The following UPK1B variants were observed in gnomAD, a reference collection of about 807,000 sequenced individuals.
UPK1B encodes uroplakin 1B.
In UPK1B, 28 loss-of-function variants were observed where a neutral mutation model predicts 34.2. The observed-to-expected ratio is 0.82, with a 90% confidence interval of 0.61 to 1.12. The LOEUF is 1.12. Ranked by LOEUF, UPK1B falls within the 50% of genes most tolerant of loss-of-function variation. UPK1B has a pLI of 0.00. For missense variants in UPK1B, 325 were observed against 320.9 expected (o/e 1.01, Z -0.10); for synonymous variants, 81 against 110.4 (o/e 0.73, Z 1.67).
Position 119,194,242 on chromosome 3 carries a change from T to C in UPK1B, c.492T>C (p.Gly164=). Residue 164 remains glycine, a synonymous_variant, in exon 6 of 8, where the codon GGT becomes GGC. Transcript: ENST00000264234. ...MLQDNCCGVN[G]PSDWQKYTSA... ...AGGACAATTGCTGTGGCGTAAATGG[T>C]CCATCAGACTGGCAAAAATACACAT... 1.9e-6 allele frequency: 3 copies of C among 1,614,038 alleles called. No homozygotes were observed. Among genetic ancestry groups the C allele is most frequent in the Non-Finnish European group, 2.5e-6 (3 of 1,179,914 alleles).
At chr3:119,190,177 A>T in intron 3 of UPK1B, 68 bp from the exon 4 acceptor site, 2 of 1,250,862 alleles carry the variant, frequency 1.6e-6, no homozygotes, top group Non-Finnish European at 2.3e-6. Flanking sequence ...GAAAAAACAT[A>T]ATTATTTGGG....
chr3:119,186,299 A>T (rs2078019257), intron 1 of UPK1B, among the ~76,000 whole-genome samples: 1 of 152,230 alleles, frequency 6.6e-6, no homozygotes, highest in African/African-American at 2.4e-5. Context: ...ATGGGAACCA[A>T]CCACTACCTC....
At chr3:119,186,672 G>A in intron 1 of UPK1B, 42 bp from the exon 2 acceptor site, 1 of 1,536,376 alleles carries the variant, frequency 6.5e-7, no homozygotes, top group Non-Finnish European at 9.0e-7. Context: ...GTTTACTCAT[G>A]TTACAGAAAC....
intron 6 of UPK1B, among the ~76,000 whole-genome samples, 167 bp from the exon 7 acceptor site, chr3:119,198,889 GT>G (rs2078078618): frequency 1.3e-5 from 2 of 152,186 alleles, no homozygotes; most frequent in South Asian, 4.1e-4. Flanking sequence ...TGTTCCCTTA[GT>G]AAAGCACTAT....
In UPK1B at chr3:119,180,672, CTTTT is replaced by C. The variant is rs5852189; in HGVS notation, c.-28-6032_-28-6029del. On this transcript the variant is annotated intron_variant, in intron 1 of 7. Coordinates refer to ENST00000264234, the MANE Select transcript of UPK1B (RefSeq NM_006952.4). ...GGAAAGGTCAACAAATTCATAATGT[CTTTT>C]TTTTTTTTTAAATATCCATTAGTGT... 3.9e-3 allele frequency among the ~76,000 whole-genome samples: 583 copies of C among 149,374 alleles called. 5 individuals carry two copies. Among genetic ancestry groups the C allele is most frequent in the African/African-American group, 0.014 (554 of 40,580 alleles).
chr3:119,190,852 GC>G (rs1265123407), intron 4 of UPK1B, 129 bp from the exon 5 acceptor site: 1 of 1,293,830 alleles, frequency 7.7e-7, no homozygotes. Flanking sequence ...TGTACTTGGT[GC>G]CTCTGAGTAC....
chr3:119,203,456 A>ATGC (rs2078103362), intron 7 of UPK1B, among the ~76,000 whole-genome samples: 1 of 152,074 alleles, frequency 6.6e-6, no homozygotes, highest in Admixed American at 6.6e-5. Context: ...CACACTATGG[A>ATGC]ATACTATGCA....
At chr3:119,177,464 C>T (rs902060112) in intron 1 of UPK1B, among the ~76,000 whole-genome samples, 1 of 152,206 alleles carries the variant, frequency 6.6e-6, no homozygotes, top group Admixed American at 6.5e-5. Context: ...AAGTCACTTT[C>T]TCTCTGTGAG....
intron 6 of UPK1B, among the ~76,000 whole-genome samples, chr3:119,196,260 A>G (rs1216896154): frequency 6.6e-6 from 1 of 151,992 alleles, no homozygotes; most frequent in Non-Finnish European, 1.5e-5. Flanking sequence ...TCCCTGACTC[A>G]TAGGTCTTGC....
Position 119,191,068 on chromosome 3 carries a change from T to C in UPK1B, c.432T>C (p.Asn144=). Residue 144 remains asparagine, a synonymous_variant, in exon 5 of 8, where the codon AAT becomes AAC. Transcript: ENST00000264234. ...ACAATGATGACCAGTGGAAAAACAA[T>C]GGAGTCACCAAAACCTGGGACAGGC... ...PPNNDDQWKN[N]GVTKTWDRLM... The C allele has an allele frequency of 2.5e-6, 4 of 1,613,962 alleles. No homozygotes were observed. The highest frequency in any genetic ancestry group is 3.4e-6 in the Non-Finnish European group (4 of 1,179,914).
At chr3:119,174,006 GA>G (rs1244925814) in intron 1 of UPK1B, among the ~76,000 whole-genome samples, 1 of 152,008 alleles carries the variant, frequency 6.6e-6, no homozygotes, top group African/African-American at 2.4e-5. Context: ...CACCTTTGTA[GA>G]CCCCCAATTT....
rs1364276987 is a variant in UPK1B, at chr3:119,187,937, G to A, written c.232G>A (p.Val78Ile). 1.9e-6 allele frequency: 3 copies of A among 1,614,160 alleles called. No homozygotes were observed. The East Asian group carries it at 6.7e-5, about 36-fold the overall frequency. The change falls in exon 3 of 8, where the codon GTA (valine) becomes ATA (isoleucine). Residue 78 changes from valine (V) to isoleucine (I), a missense_variant. By Grantham distance (29) the Val-to-Ile change is conservative (BLOSUM62 3). Coordinates refer to ENST00000264234, the MANE Select transcript of UPK1B (RefSeq NM_006952.4). ...CLFCLSVLGI[V>I]GIMKSSRKIL... ...CTTCTGCCTGTCTGTTCTAGGCATT[G>A]TAGGCATCATGAAGTCCAGCAGGAA...
chr3:119,179,860 G>A (rs1378764330), intron 1 of UPK1B, among the ~76,000 whole-genome samples: 2 of 107,672 alleles, frequency 1.9e-5, no homozygotes, highest in African/African-American at 3.7e-5. Flanking sequence ...GTGCAATGGC[G>A]CAATCTCGGC....
At chr3:119,191,188 AT>A in intron 5 of UPK1B, 84 bp downstream of exon 5, 1 of 1,461,932 alleles carries the variant, frequency 6.8e-7, no homozygotes, top group Non-Finnish European at 9.2e-7. Context: ...GGGACCCTAT[AT>A]TTTATTTCAA....
At chr3:119,183,063 T>C (rs2077996314) in intron 1 of UPK1B, among the ~76,000 whole-genome samples, 1 of 152,182 alleles carries the variant, frequency 6.6e-6, no homozygotes, top group South Asian at 2.1e-4. Context: ...AGGTAGAGTC[T>C]CCTGAGCAGG....
intron 7 of UPK1B, among the ~76,000 whole-genome samples, chr3:119,200,158 G>A (rs1332294568): frequency 6.6e-6 from 1 of 152,102 alleles, no homozygotes; most frequent in Non-Finnish European, 1.5e-5. Context: ...TAAAAAAATA[G>A]TGCTTTAATA....
At chr3:119,185,880 G>A (rs774741932) in intron 1 of UPK1B, among the ~76,000 whole-genome samples, 14 of 152,302 alleles carry the variant, frequency 9.2e-5, no homozygotes, top group Admixed American at 3.3e-4. Flanking sequence ...ATGTTCAGCT[G>A]TGTATGGCAC....
chr3:119,179,957 C>A (rs1007528530), intron 1 of UPK1B, among the ~76,000 whole-genome samples: 12 of 151,868 alleles, frequency 7.9e-5, no homozygotes, highest in African/African-American at 2.9e-4. Context: ...CGCCACCACC[C>A]CCAGCTAATT....
intron 1 of UPK1B, among the ~76,000 whole-genome samples, chr3:119,186,038 A>G (rs1441429306): frequency 6.6e-6 from 1 of 152,186 alleles, no homozygotes; most frequent in East Asian, 1.9e-4. Flanking sequence ...TTTAAGCTTT[A>G]GTTTCCTCAT....
Sources: allele counts gnomAD v4.1 joint callset (sites outside exome capture counted in the v4.1 genomes callset), GRCh38; gene constraint gnomAD v4.1.1; transcripts MANE v1.5; gene names NCBI Gene and HGNC (gene_info 2026-07-23, HGNC 2026-07-21).